EYA2: variants seen among roughly 807,000 people sequenced by gnomAD.
The protein encoded by EYA2 is EYA transcriptional coactivator and phosphatase 2.
A neutral mutation model predicts 69.2 loss-of-function variants in EYA2; 31 were observed. The ratio of observed to expected loss-of-function variants is 0.45; its 90% confidence interval spans 0.34 to 0.60. EYA2 has a LOEUF of 0.60. EYA2 is among the 20% of genes least tolerant of loss of function. EYA2 has a pLI of 0.02. For synonymous variants in EYA2, 257 were observed against 279.4 expected (o/e 0.92, Z 0.80); for missense variants, 622 against 701.2 (o/e 0.89, Z 1.28).
At chr20:47,038,317 T>C (rs1984833191) in intron 5 of EYA2, among the ~76,000 whole-genome samples, 1 of 151,868 alleles carries the variant, frequency 6.6e-6, no homozygotes, top group Admixed American at 6.6e-5. Context: ...CTGGGCAACA[T>C]GGCAAGACCC....
chr20:47,095,721 G>A (rs1034062122), intron 8 of EYA2: 80 of 152,276 alleles, frequency 5.3e-4, no homozygotes, highest in African/African-American at 1.7e-3. Flanking sequence ...TTTTCAAATT[G>A]GAATTCTGTA....
Position 47,188,207 on chromosome 20 carries a change from T to C in EYA2, c.*74T>C. On this transcript the variant is annotated 3_prime_UTR_variant, in exon 16 of 16. Transcript: ENST00000327619. ...CCTTCCCCACCTCCCCACCGAGAAC[T>C]CCAGAGACCCAGATGTTGGACACCA... 2 of 1,416,142 alleles carry C rather than the reference T, an allele frequency of 1.4e-6. No homozygotes were observed. The highest frequency in any genetic ancestry group is 1.9e-6 in the Non-Finnish European group (2 of 1,036,960). 87.7% of individuals were successfully genotyped at this position (1,416,142 alleles called of 1,614,324 possible). A position where few individuals can be genotyped will look rare whatever the true frequency, so the allele number is the denominator to read the frequency against.
At chr20:46,945,045 A>G (rs1317940352) in intron 1 of EYA2, among the ~76,000 whole-genome samples, 1 of 151,952 alleles carries the variant, frequency 6.6e-6, no homozygotes, top group Non-Finnish European at 1.5e-5. Flanking sequence ...TAGAGGTTGC[A>G]GTGAGCCTAG....
intron 5 of EYA2, among the ~76,000 whole-genome samples, chr20:47,057,484 A>G (rs2030683763): frequency 6.9e-6 from 1 of 145,442 alleles, no homozygotes; most frequent in Non-Finnish European, 1.5e-5. Flanking sequence ...CATTCTATAC[A>G]TTATCTGCTG....
chr20:47,187,070 T>A (rs1041082423), intron 15 of EYA2, among the ~76,000 whole-genome samples: 1 of 141,682 alleles, frequency 7.1e-6, no homozygotes, highest in East Asian at 2.0e-4. Flanking sequence ...AAAAAAAAAA[T>A]TAATGAAACG....
intron 5 of EYA2, among the ~76,000 whole-genome samples, chr20:47,057,286 G>A (rs1200226687): frequency 2.0e-5 from 3 of 152,132 alleles, no homozygotes; most frequent in African/African-American, 7.2e-5. Context: ...AGGGGATGGG[G>A]CAGGGCTTGC....
intron 5 of EYA2, among the ~76,000 whole-genome samples, chr20:47,020,543 T>C (rs6094559): frequency 0.6 from 91,142 of 151,992 alleles, 27,852 homozygotes; most frequent in Non-Finnish European, 0.67. Context: ...CTTTTTGGCT[T>C]CTTCTGGTAA....
chr20:47,141,786 C>A (rs73913819), intron 9 of EYA2, among the ~76,000 whole-genome samples: 629 of 152,358 alleles, frequency 4.1e-3, no homozygotes, highest in African/African-American at 0.014. Context: ...CTAAAAACTT[C>A]TGATCAAAAG....
At chr20:46,899,013 A>G (rs1328043521) in intron 1 of EYA2, among the ~76,000 whole-genome samples, 2 of 152,226 alleles carry the variant, frequency 1.3e-5, no homozygotes, top group Admixed American at 6.5e-5. Flanking sequence ...CTGGTATACC[A>G]GGCCTGCAGT....
intron 10 of EYA2, among the ~76,000 whole-genome samples, chr20:47,148,058 C>CAAAAAAAAAAAAAA (rs1264883844): frequency 6.0e-5 from 5 of 82,836 alleles, no homozygotes; most frequent in African/African-American, 1.9e-4. Context: ...GACTCTGTCT[C>CAAAAAAAAAAAAAA]AAAAAAAAAA....
At chr20:47,076,148 G>A (rs1196857740) in intron 7 of EYA2, among the ~76,000 whole-genome samples, 1 of 152,188 alleles carries the variant, frequency 6.6e-6, no homozygotes, top group Non-Finnish European at 1.5e-5. Flanking sequence ...TGTGAATAGT[G>A]CTGCAATGAA....
At chr20:46,930,717 C>G (rs1233415244) in intron 1 of EYA2, among the ~76,000 whole-genome samples, 2 of 152,168 alleles carry the variant, frequency 1.3e-5, no homozygotes, top group African/African-American at 4.8e-5. Context: ...TAAACAGTTG[C>G]ATGAGACACT....
At chr20:46,967,219 C>G (rs1206277139) in intron 1 of EYA2, among the ~76,000 whole-genome samples, 1 of 152,224 alleles carries the variant, frequency 6.6e-6, no homozygotes, top group African/African-American at 2.4e-5. Context: ...TCAGGCTGGT[C>G]TCGAACTGCT....
At chr20:46,977,926 C>G (rs1980558844) in intron 1 of EYA2, among the ~76,000 whole-genome samples, 2 of 152,160 alleles carry the variant, frequency 1.3e-5, no homozygotes, top group African/African-American at 4.8e-5. Context: ...GACAACAGCA[C>G]CTGAATTTCA....
chr20:47,014,628 A>ATGTGTGTGTGTGTGTGTG (rs56005987), intron 4 of EYA2, among the ~76,000 whole-genome samples: 2 of 144,614 alleles, frequency 1.4e-5, no homozygotes, highest in South Asian at 4.5e-4. Flanking sequence ...TGTGCACAAA[A>ATGTGTGTGTGTGTGTGTG]TGTGTGTGTG....
intron 9 of EYA2, among the ~76,000 whole-genome samples, chr20:47,105,000 G>A (rs372762313): frequency 2.8e-4 from 42 of 152,266 alleles, no homozygotes; most frequent in Admixed American, 9.2e-4. Flanking sequence ...CAGCCTGGGC[G>A]ACAGAGCCAG....
intron 1 of EYA2, among the ~76,000 whole-genome samples, chr20:46,988,780 C>T (rs1364007339): frequency 1.3e-5 from 2 of 152,210 alleles, no homozygotes; most frequent in Non-Finnish European, 2.9e-5. Context: ...GAGCTCACTG[C>T]ACCTTCCATC....
intron 8 of EYA2, among the ~76,000 whole-genome samples, chr20:47,089,964 T>C (rs2032023386): frequency 6.6e-6 from 1 of 152,036 alleles, no homozygotes; most frequent in Non-Finnish European, 1.5e-5. Flanking sequence ...GGCTTAGATA[T>C]TGATCTGTGT....
At chr20:47,057,746 C>T (rs1042437320) in intron 5 of EYA2, among the ~76,000 whole-genome samples, 10 of 152,272 alleles carry the variant, frequency 6.6e-5, no homozygotes, top group East Asian at 3.9e-4. Flanking sequence ...TTTGCACTGC[C>T]GGGGCTGGCA....
Sources: allele counts gnomAD v4.1 joint callset (sites outside exome capture counted in the v4.1 genomes callset), GRCh38; gene constraint gnomAD v4.1.1; transcripts MANE v1.5; gene names NCBI Gene and HGNC (gene_info 2026-07-23, HGNC 2026-07-21).